The following RNF123 variants were observed in gnomAD, a reference collection of about 807,000 sequenced individuals.
The protein encoded by RNF123 is ring finger protein 123.
In RNF123, 86 loss-of-function variants were observed where a neutral mutation model predicts 168.5. The observed-to-expected ratio is 0.51, with a 90% CI of 0.43 to 0.61. The LOEUF is 0.61. Among genes scored for constraint, RNF123 ranks in the 20% least tolerant of loss-of-function variants. RNF123 has a pLI of 0.00. For synonymous variants in RNF123, 666 were observed against 689.1 expected (o/e 0.97, Z 0.52); for missense variants, 1,419 against 1,729.7 (o/e 0.82, Z 3.19).
Position 49,718,394 on chromosome 3 carries a change from G to A in RNF123, c.3500+1917G>A, listed in dbSNP as rs199566932. The A allele has an allele frequency of 2.5e-5, 41 of 1,613,096 alleles. No homozygotes were observed. Among genetic ancestry groups the A allele is most frequent in the African/African-American group, 5.3e-5 (4 of 74,938 alleles). On this transcript the variant is annotated intron_variant, in intron 35 of 38. Transcript: ENST00000327697. ...TCGTGCGTCTGGTTGTGGTGCAGGC[G>A]GGGCCCAGTGGCCAGGCACACGAAG...
intron 3 of RNF123, among the ~76,000 whole-genome samples, chr3:49,692,576 A>G (rs897682215): frequency 3.3e-5 from 5 of 152,170 alleles, no homozygotes; most frequent in African/African-American, 9.7e-5. Flanking sequence ...GGTCTCATTA[A>G]TTCAATTTTT....
rs1404544345 is a variant in RNF123 at position 49,718,560 on chromosome 3, G to A, written c.3501-1951G>A. 6.2e-6 allele frequency: 10 copies of A among 1,613,036 alleles called. No individual in the cohort carries two copies. The African/African-American group carries it at 9.3e-5, about 15-fold the overall frequency. ...AGGCAATGCGCATGGCCGGGACGCT[G>A]GTGTTGCAGTAAAGCCTCAGGGACC... On this transcript the variant is annotated intron_variant, in intron 35 of 38. Coordinates refer to ENST00000327697, the MANE Select transcript of RNF123 (RefSeq NM_022064.5).
chr3:49,713,177 C>T (rs1431281177), intron 27 of RNF123: 16 of 591,006 alleles, frequency 2.7e-5, no homozygotes, highest in Non-Finnish European at 4.5e-5. Flanking sequence ...GCCCCCTGCC[C>T]AGCCACAGGC....
chr3:49,697,670 C>T (rs553030815), intron 5 of RNF123, among the ~76,000 whole-genome samples: 84 of 152,202 alleles, frequency 5.5e-4, no homozygotes, highest in Non-Finnish European at 1.2e-4. Context: ...CCAGCCCTTC[C>T]CAGCACAGCC....
intron 5 of RNF123, 84 bp downstream of exon 5, chr3:49,697,541 C>T (rs1305223705): frequency 1.8e-6 from 2 of 1,127,230 alleles, no homozygotes; most frequent in African/African-American, 3.1e-5. Flanking sequence ...CCTAGTCTCT[C>T]TACTCATCTG....
chr3:49,713,695 G>C, intron 28 of RNF123, 43 bp from the exon 29 acceptor site: 1 of 1,575,128 alleles, frequency 6.3e-7, no homozygotes, highest in Admixed American at 1.9e-5. Context: ...ATGGGTCCAG[G>C]GCTCATGCCA....
chr3:49,706,987 C>T, intron 26 of RNF123, 89 bp downstream of exon 26: 3 of 967,388 alleles, frequency 3.1e-6, no homozygotes, highest in Middle Eastern at 2.2e-4. Context: ...ATGCCCCCAC[C>T]CTCTCAGGCC....
chr3:49,719,641 G>T, intron 35 of RNF123: 1 of 603,314 alleles, frequency 1.7e-6, no homozygotes. Context: ...GTGAGGCGGT[G>T]CGGCACTCTT....
intron 15 of RNF123, among the ~76,000 whole-genome samples, 154 bp downstream of exon 15, chr3:49,700,863 C>T (rs144665985): frequency 8.3e-4 from 126 of 152,330 alleles, no homozygotes; most frequent in Non-Finnish European, 1.0e-3. Context: ...AGAGCAAGGA[C>T]GAGAGAGCAA....
rs757826711 is a variant in RNF123, at chr3:49,700,649, G to A, written c.1217G>A (p.Arg406Gln). The A allele has an allele frequency of 6.2e-7, 1 of 1,614,138 alleles. No individual in the cohort carries two copies. Among genetic ancestry groups the A allele is most frequent in the Admixed American group, 1.7e-5 (1 of 60,018 alleles). The stretch of plus-strand genomic sequence containing the variant: ...CCCTCTCCACAGATCCATTACCTGC[G>A]GCTCACTATCGCCATCCTGAGGCAT... ...PDLGLQIHYLRLTIAILRHEK... is the reference protein window; with the variant it reads ...PDLGLQIHYLQLTIAILRHEK... The change falls in exon 15 of 39, where the codon CGG becomes CAG. Residue 406 changes from arginine (R) to glutamine (Q), a missense_variant. Physicochemically the swap from Arg to Gln is conservative, Grantham distance 43. This residue lies in a region of RNF123 where 349 missense variants were observed against 344.9 expected (regional missense o/e 1.01). Transcript: ENST00000327697.
At chr3:49,702,212 C>T (rs1198300920) in intron 18 of RNF123, 68 bp downstream of exon 18, 11 of 1,596,462 alleles carry the variant, frequency 6.9e-6, no homozygotes, top group South Asian at 2.2e-5. Flanking sequence ...CCTTAAGACC[C>T]AGAGGGTGGG....
At chr3:49,701,706 C>T (rs1280832260) in intron 16 of RNF123, 98 bp downstream of exon 16, 1 of 1,461,412 alleles carries the variant, frequency 6.8e-7, no homozygotes, top group African/African-American at 1.4e-5. Flanking sequence ...TTTCACTGGC[C>T]CTGGTCCCTG....
chr3:49,700,821 AC>A, intron 15 of RNF123, 112 bp downstream of exon 15: 1 of 1,140,646 alleles, frequency 8.8e-7, no homozygotes, highest in Non-Finnish European at 1.3e-6. Flanking sequence ...CATCAGGAGG[AC>A]CAGAGCTGCC....
chr3:49,699,966 CAG>C lies in RNF123; in HGVS notation c.984+195_984+196del. 3 of 684,952 alleles carry C rather than the reference CAG, an allele frequency of 4.4e-6. No homozygotes were observed. Among genetic ancestry groups the C allele is most frequent in the East Asian group, 2.7e-5 (1 of 36,730 alleles). The allele number at this position is 684,952 out of a possible 1,614,324, so 42.4% of individuals were successfully genotyped here. ...CAGGGACATTGCCAACCAAGGGCAT[CAG>C]GGGATGTCCTGGAAAGAAGACTGAA... On this transcript the variant is annotated intron_variant, in intron 12 of 38. Coordinates refer to ENST00000327697, the MANE Select transcript of RNF123 (RefSeq NM_022064.5). The surrounding 1 kb of genome is among the most constrained non-coding windows in gnomAD (Gnocchi z 4.8).
intron 35 of RNF123, chr3:49,718,505 C>T (rs761982260): frequency 1.2e-6 from 2 of 1,613,012 alleles, no homozygotes; most frequent in African/African-American, 2.7e-5. Flanking sequence ...GATCCTGGCG[C>T]CCTGAGAAGC....
chr3:49,714,197 T>C, intron 31 of RNF123, 23 bp downstream of exon 31: 1 of 1,612,076 alleles, frequency 6.2e-7, no homozygotes, highest in Non-Finnish European at 8.5e-7. Context: ...GTTGGGCGAG[T>C]CCTGGGCAAG....
intron 27 of RNF123, 98 bp downstream of exon 27, chr3:49,712,754 C>T (rs761299742): frequency 5.0e-6 from 7 of 1,399,022 alleles, no homozygotes; most frequent in African/African-American, 4.3e-5. Context: ...CAGCAACACA[C>T]TTCTGTGGGG....
Position 49,702,689 on chromosome 3 carries a change from C to A in RNF123, c.1686C>A (p.Ile562=). 1 of 1,614,256 alleles carries A rather than the reference C, an allele frequency of 6.2e-7. No homozygotes were observed. The highest frequency in any genetic ancestry group is 8.5e-7 in the Non-Finnish European group (1 of 1,180,032). Residue 562 remains isoleucine (I), a synonymous_variant, in exon 20 of 39, where the codon ATC becomes ATA. Coordinates refer to ENST00000327697, the MANE Select transcript of RNF123 (RefSeq NM_022064.5). ...TGGTCTGCTTCTTACACCGGCTGATCTCTGCCCTGCGCTACTATTGGGATG... is the reference window on the plus strand; with the variant it reads ...TGGTCTGCTTCTTACACCGGCTGATATCTGCCCTGCGCTACTATTGGGATG... ...EYMVCFLHRL[I]SALRYYWDEY...
At chr3:49,717,434 C>A in intron 35 of RNF123, 1 of 168,210 alleles carries the variant, frequency 5.9e-6, no homozygotes, top group South Asian at 1.3e-4. Context: ...CGAGATCTTC[C>A]TTCAGAGCCG....
Sources: allele counts gnomAD v4.1 joint callset (sites outside exome capture counted in the v4.1 genomes callset), GRCh38; gene constraint gnomAD v4.1.1; regional missense constraint gnomAD v4.1.1; non-coding constraint Gnocchi (gnomAD v3.1); transcripts MANE v1.5; gene names NCBI Gene and HGNC (gene_info 2026-07-23, HGNC 2026-07-21).